MYO18B: variants seen among roughly 807,000 people sequenced by gnomAD.
MYO18B encodes the protein myosin XVIIIB, also known as unconventional myosin-XVIIIb.
Under a neutral mutation model 273.0 loss-of-function variants are expected in MYO18B, and 204 were observed. The ratio of observed to expected loss-of-function variants is 0.75; its 90% confidence interval spans 0.67 to 0.84. The LOEUF is 0.84. Ranked by LOEUF, MYO18B falls within the 40% of genes least tolerant of loss-of-function variation. The pLI is 0.00. For missense variants in MYO18B, 3,212 were observed against 3,287.6 expected (o/e 0.98, Z 0.56); for synonymous variants, 1,330 against 1,305.7 (o/e 1.02, Z -0.40).
rs2090043763 is a variant in MYO18B, at chr22:25,840,265, GCT to G, written c.3209-3465_3209-3464del. Among the ~76,000 whole-genome samples the G allele has an allele frequency of 2.6e-5, 4 of 152,212 alleles. No individual in the cohort carries two copies. In the South Asian group the frequency reaches 8.3e-4, roughly 32 times the overall value. ...TCCTCTCTCCTGTCACCATCACACA[GCT>G]CTCTTTGCTGCTCTTCAAACATAGC... On this transcript the variant is annotated intron_variant, in intron 17 of 43. Coordinates refer to ENST00000335473, the MANE Select transcript of MYO18B (RefSeq NM_032608.7).
intron 13 of MYO18B, 24 bp from the exon 14 acceptor site, chr22:25,826,385 T>C (rs748650360): frequency 6.3e-7 from 1 of 1,594,498 alleles, no homozygotes; most frequent in African/African-American, 1.3e-5. Context: ...TAACCAAGAA[T>C]GCTGATTCTG....
chr22:26,051,531 A>G, the MYO18B span, among the ~76,000 whole-genome samples: 2 of 152,318 alleles, frequency 1.3e-5, no homozygotes, highest in Non-Finnish European at 2.9e-5. Flanking sequence ...GCTAATAAGG[A>G]AAGAGATGGG....
intron 39 of MYO18B, among the ~76,000 whole-genome samples, chr22:25,974,350 A>G (rs2093066671): frequency 6.6e-6 from 1 of 152,206 alleles, no homozygotes; most frequent in Admixed American, 6.5e-5. Context: ...AACCATATGA[A>G]TTTGCCACTT....
intron 31 of MYO18B, among the ~76,000 whole-genome samples, chr22:25,904,673 C>T (rs1026002516): frequency 6.6e-6 from 1 of 152,126 alleles, no homozygotes; most frequent in South Asian, 2.1e-4. Context: ...TATTTGTCTG[C>T]TTGCTTATTT....
chr22:25,868,522 T>A, intron 22 of MYO18B, 137 bp downstream of exon 22: 1 of 696,900 alleles, frequency 1.4e-6, no homozygotes, highest in Non-Finnish European at 2.4e-6. Context: ...GCTAATGATT[T>A]TCTGCCCTGC....
At chr22:25,822,572 A>G (rs2089322001) in intron 12 of MYO18B, among the ~76,000 whole-genome samples, 1 of 152,174 alleles carries the variant, frequency 6.6e-6, no homozygotes. Flanking sequence ...AGCTCAGTCA[A>G]CATGTACACA....
Position 25,876,267 on chromosome 22 carries a change from CT to C in MYO18B, c.4160del (p.Leu1387ArgfsTer28). ...LAVKDWPWWQ[L>X]LGSLQPLLSA... ...AGTCAAGGACTGGCCATGGTGGCAG[CT>C]GCTTGGTTCCCTCCAGCCTCTACTT... On this transcript the variant is annotated frameshift_variant, in exon 24 of 44. Coordinates refer to ENST00000335473, the MANE Select transcript of MYO18B (RefSeq NM_032608.7). LOFTEE classifies it high-confidence loss of function. 1 of 1,613,420 alleles carries C rather than the reference CT, an allele frequency of 6.2e-7. No individual in the cohort carries two copies.
chr22:25,926,615 G>A (rs991813031), intron 34 of MYO18B, among the ~76,000 whole-genome samples: 2 of 152,252 alleles, frequency 1.3e-5, no homozygotes, highest in South Asian at 4.2e-4. Context: ...TTGTATAAAG[G>A]ACATGTAGGA....
At chr22:25,834,163 T>C (rs1601836955) in intron 16 of MYO18B, among the ~76,000 whole-genome samples, 3 of 151,434 alleles carry the variant, frequency 2.0e-5, no homozygotes, top group Admixed American at 1.3e-4. Flanking sequence ...TCTTTTTTTT[T>C]TGAGACAGAG....
intron 17 of MYO18B, among the ~76,000 whole-genome samples, chr22:25,840,625 C>T (rs1377318257): frequency 2.0e-5 from 3 of 152,222 alleles, no homozygotes; most frequent in Non-Finnish European, 4.4e-5. Flanking sequence ...TTTTACAAAA[C>T]TGATGAATAT....
chr22:25,925,675 C>T (rs11913360), intron 34 of MYO18B, among the ~76,000 whole-genome samples: 15 of 149,284 alleles, frequency 1.0e-4, no homozygotes, highest in Non-Finnish European at 1.5e-4. Context: ...GAGGCTGAGG[C>T]GGGTGGATCA....
intron 34 of MYO18B, among the ~76,000 whole-genome samples, chr22:25,937,548 G>A (rs16981083): frequency 0.015 from 2,239 of 151,188 alleles, 45 homozygotes; most frequent in African/African-American, 0.051. Context: ...TCAGACTTCT[G>A]GGCTGCACAG....
chr22:25,772,558 G>A, intron 7 of MYO18B, 48 bp downstream of exon 7: 1 of 1,554,692 alleles, frequency 6.4e-7, no homozygotes, highest in Non-Finnish European at 8.7e-7. Flanking sequence ...AGGGCAGGGG[G>A]GCCTGGGGGG....
At chr22:25,855,372 C>T (rs918081875) in intron 21 of MYO18B, among the ~76,000 whole-genome samples, 2 of 151,276 alleles carry the variant, frequency 1.3e-5, no homozygotes, top group East Asian at 3.9e-4. Flanking sequence ...CAAGCTCTGC[C>T]TCCCGGGTTC....
At position 26,007,284 on chromosome 22, in the gene MYO18B, T is replaced by C. The variant is rs141454803; in HGVS notation, c.6470+2429T>C. On this transcript the variant is annotated intron_variant, in intron 42 of 43. Transcript: ENST00000335473. ...GAGCATCAAGGCTGGAGCAGAAATA[T>C]TAATTGTATTTGGTCACAGCTCAGC... Among the ~76,000 whole-genome samples the C allele has an allele frequency of 2.5e-3, 377 of 152,290 alleles. 5 individuals are homozygous for C. The highest frequency in any genetic ancestry group is 8.5e-3 in the African/African-American group (352 of 41,558).
the MYO18B span, among the ~76,000 whole-genome samples, chr22:26,062,251 T>C: frequency 6.6e-6 from 1 of 152,184 alleles, no homozygotes; most frequent in Non-Finnish European, 1.5e-5. Flanking sequence ...AACAGAGTTG[T>C]GATGTCATCC....
Position 25,835,377 on chromosome 22 carries a change from TC to T in MYO18B, c.3144del (p.Ser1049ValfsTer112). The T allele has an allele frequency of 1.2e-6, 2 of 1,613,918 alleles. No individual in the cohort carries two copies. Among genetic ancestry groups the T allele is most frequent in the Non-Finnish European group, 1.7e-6 (2 of 1,179,856 alleles). ...AGATGAGGAAGTCCATGTAGAGGGCTCCAGTGACAGTGTGGTGCTCGAGCGT... is the reference window on the plus strand; with the variant it reads ...AGATGAGGAAGTCCATGTAGAGGGCTCAGTGACAGTGTGGTGCTCGAGCGT... ...VLDEEVHVEG[S>X]SDSVVLERLC... On this transcript the variant is annotated frameshift_variant, in exon 17 of 44. Transcript: ENST00000335473. LOFTEE classifies it high-confidence loss of function.
rs58679561 is a variant in MYO18B at position 25,792,497 on chromosome 22, C to CTT, written c.2377-5441_2377-5440dup. 1.6e-3 allele frequency among the ~76,000 whole-genome samples: 176 copies of CTT among 107,932 alleles called. 10 individuals are homozygous for CTT. Among genetic ancestry groups the CTT allele is most frequent in the South Asian group, 2.4e-3 (8 of 3,322 alleles). The allele number at this position is 107,932 out of a possible 152,430, so 70.8% of individuals were successfully genotyped here. On this transcript the variant is annotated intron_variant, in intron 11 of 43. Coordinates refer to ENST00000335473, the MANE Select transcript of MYO18B (RefSeq NM_032608.7). ...GTGATGTTTCTTTTTTTTTTCTTTT[C>CTT]TTTTTTTTTTTTTTTTGAGACAGAG...
intron 6 of MYO18B, 87 bp downstream of exon 6, chr22:25,771,071 G>A: frequency 1.0e-6 from 1 of 962,354 alleles, no homozygotes. Flanking sequence ...AGTCCTGCAA[G>A]AGATTTCCTT....
Sources: gnomAD v4.1 joint callset for allele counts (sites outside exome capture counted in the v4.1 genomes callset) on GRCh38, gnomAD v4.1.1 for gene constraint, MANE v1.5 for transcripts, NCBI Gene and HGNC (gene_info 2026-07-23, HGNC 2026-07-21) for gene names.